Variants in BCO1 observed in about 807,000 individuals in gnomAD.
BCO1 encodes the protein beta-carotene oxygenase 1.
Under a neutral mutation model 56.3 loss-of-function variants are expected in BCO1, and 54 were observed. The ratio of observed to expected loss-of-function variants is 0.96; its 90% CI spans 0.77 to 1.20. The LOEUF (loss-of-function observed/expected upper bound fraction) is 1.20, where lower values mean the gene tolerates loss of function less well. BCO1 is among the 50% of genes most tolerant of loss of function. BCO1 has a pLI of 0.00. For synonymous variants in BCO1, 318 were observed against 266.1 expected (o/e 1.20, Z -1.90); for missense variants, 801 against 690.9 (o/e 1.16, Z -1.79).
intron 10 of BCO1, among the ~76,000 whole-genome samples, chr16:81,288,875 G>A (rs755791885): frequency 1.3e-5 from 2 of 152,194 alleles, no homozygotes; most frequent in Non-Finnish European, 2.9e-5. Flanking sequence ...ACAAGGGAGT[G>A]GTTTTCCACC....
At chr16:81,289,146 C>G (rs1219790354) in intron 10 of BCO1, among the ~76,000 whole-genome samples, 2 of 152,214 alleles carry the variant, frequency 1.3e-5, no homozygotes, top group Non-Finnish European at 2.9e-5. Flanking sequence ...CCAGGCCAAT[C>G]TGACCTCAAC....
At chr16:81,281,088 A>T in intron 8 of BCO1, 126 bp downstream of exon 8, 1 of 723,790 alleles carries the variant, frequency 1.4e-6, no homozygotes, top group East Asian at 2.7e-5. Flanking sequence ...GGGTCTTGGG[A>T]TGCCCTGGTG....
chr16:81,251,841 C>T (rs571423974), intron 2 of BCO1, among the ~76,000 whole-genome samples: 82 of 147,688 alleles, frequency 5.6e-4, no homozygotes, highest in Non-Finnish European at 9.9e-4. Flanking sequence ...TACCCACACA[C>T]ACACACACAC....
intron 2 of BCO1, among the ~76,000 whole-genome samples, chr16:81,247,981 C>T (rs891567549): frequency 9.2e-5 from 14 of 152,310 alleles, no homozygotes; most frequent in South Asian, 4.1e-4. Flanking sequence ...GTCTCAGTCT[C>T]TTCTGTAAAA....
intron 2 of BCO1, among the ~76,000 whole-genome samples, chr16:81,255,049 C>G (rs1261227949): frequency 6.6e-6 from 1 of 152,196 alleles, no homozygotes; most frequent in Non-Finnish European, 1.5e-5. Flanking sequence ...TCTCAAACTG[C>G]TGGGATTACA....
rs905894692 is a variant in BCO1 at position 81,245,514 on chromosome 16, A to G, written c.104A>G (p.Asn35Ser). 1 of 1,613,778 alleles carries G rather than the reference A, an allele frequency of 6.2e-7. No individual in the cohort carries two copies. Among genetic ancestry groups the G allele is most frequent in the Non-Finnish European group, 8.5e-7 (1 of 1,179,700 alleles). Residue 35 changes from asparagine to serine, a missense_variant, in exon 2 of 11, where the codon AAT becomes AGT. Coordinates refer to ENST00000258168, the MANE Select transcript of BCO1 (RefSeq NM_017429.3). The stretch of plus-strand genomic sequence containing the variant: ...TGGCTGCAGGGAACCCTGCTCCGCA[A>G]TGGGCCTGGGATGCACACAGTTGGG... ...PAWLQGTLLR[N>S]GPGMHTVGES...
At position 81,290,571 on chromosome 16, in the gene BCO1, G is replaced by A. The variant is rs746913703; in HGVS notation, c.1638G>A (p.Leu546=). 65 of 1,612,808 alleles carry A rather than the reference G, an allele frequency of 4.0e-5. No individual in the cohort carries two copies. The South Asian group carries it at 6.7e-4, about 17-fold the overall frequency. Residue 546 remains leucine (L), a synonymous_variant, in exon 11 of 11, where the codon CTG becomes CTA. Coordinates refer to ENST00000258168, the MANE Select transcript of BCO1 (RefSeq NM_017429.3). Reference sequence around the variant, plus strand: ...CTTCCGACTGCCACGGGGCTCCTCTGACCTGATGGTGTTGGGGTTTGGGTA... The same window carrying A: ...CTTCCGACTGCCACGGGGCTCCTCTAACCTGATGGTGTTGGGGTTTGGGTA... ...DRASDCHGAP[L]T
At chr16:81,272,365 G>A (rs564409201) in intron 7 of BCO1, among the ~76,000 whole-genome samples, 88 of 148,638 alleles carry the variant, frequency 5.9e-4, no homozygotes, top group Non-Finnish European at 1.0e-3. Flanking sequence ...TGATCCGCCC[G>A]CCTTGGCCTC....
chr16:81,241,750 G>A (rs923773487), intron 1 of BCO1, among the ~76,000 whole-genome samples: 4 of 152,214 alleles, frequency 2.6e-5, no homozygotes. Context: ...CTGACTCTCC[G>A]TCCAGGCCTG....
At chr16:81,271,272 G>A (rs1007065311) in intron 7 of BCO1, among the ~76,000 whole-genome samples, 9 of 151,544 alleles carry the variant, frequency 5.9e-5, no homozygotes, top group South Asian at 2.1e-4. Flanking sequence ...CTGCCACCAC[G>A]CCCAGCTAAT....
At chr16:81,279,820 G>A in intron 7 of BCO1, among the ~76,000 whole-genome samples, 1 of 152,128 alleles carries the variant, frequency 6.6e-6, no homozygotes, top group East Asian at 1.9e-4. Context: ...CTTGAAGGCT[G>A]TTTTGCCACC....
At position 81,264,838 on chromosome 16, in the gene BCO1, C is replaced by A. The variant is rs1331141843; in HGVS notation, c.619+51C>A. The stretch of plus-strand genomic sequence containing the variant: ...AAACACAAACAACCAAGTGTGGCTT[C>A]TTCTGAAGAGTTCTGTTTTTCGTTG... On this transcript the variant is annotated intron_variant, in intron 5 of 10. Transcript: ENST00000258168. 5.0e-6 allele frequency: 8 copies of A among 1,603,650 alleles called. No individual in the cohort carries two copies. The South Asian group carries it at 7.7e-5, about 15-fold the overall frequency.
At chr16:81,257,899 GA>G (rs1906245382) in intron 2 of BCO1, among the ~76,000 whole-genome samples, 2 of 150,872 alleles carry the variant, frequency 1.3e-5, no homozygotes, top group South Asian at 4.2e-4. Context: ...AAAAAAAAGA[GA>G]GAGACTTTGT....
intron 2 of BCO1, among the ~76,000 whole-genome samples, chr16:81,250,960 A>G (rs993313645): frequency 1.1e-4 from 16 of 152,122 alleles, no homozygotes; most frequent in African/African-American, 3.9e-4. Context: ...TTGTGTTTCT[A>G]ACACACTTCC....
intron 1 of BCO1, among the ~76,000 whole-genome samples, chr16:81,242,156 G>A (rs558746823): frequency 1.3e-5 from 2 of 149,232 alleles, no homozygotes; most frequent in East Asian, 2.0e-4. Context: ...CTGGCGCCAC[G>A]ATTATGTAGG....
intron 2 of BCO1, among the ~76,000 whole-genome samples, chr16:81,248,239 T>A (rs1377747120): frequency 6.6e-6 from 1 of 151,588 alleles, no homozygotes; most frequent in Non-Finnish European, 1.5e-5. Context: ...CCGTCTCTAC[T>A]AAAAATACAA....
rs1395125401 is a variant in BCO1, at chr16:81,264,640, G to A, written c.472G>A (p.Val158Ile). 6.2e-7 allele frequency: 1 copy of A among 1,614,044 alleles called. No homozygotes were observed. The highest frequency in any genetic ancestry group is 1.3e-5 in the African/African-American group (1 of 75,038). The change falls in exon 5 of 11, where the codon GTT (valine) becomes ATT (isoleucine). Residue 158 changes from valine to isoleucine, a missense_variant and splice_region_variant. Transcript: ENST00000258168. ...AAACAGGAGGTGTCATATCTTGCAG[G>A]TTGATTATCGTAAATACGTGGCGGT... The part of the protein sequence containing the change: ...NPQTLETLEK[V>I]DYRKYVAVNL...
intron 10 of BCO1, 50 bp from the exon 11 acceptor site, chr16:81,290,298 C>T: frequency 6.8e-7 from 1 of 1,465,374 alleles, no homozygotes; most frequent in Non-Finnish European, 9.6e-7. Flanking sequence ...TTCATCCCTC[C>T]GACTGAAGCC....
chr16:81,239,021 T>TA, intron 1 of BCO1, 49 bp downstream of exon 1: 1 of 214,374 alleles, frequency 4.7e-6, no homozygotes, highest in Non-Finnish European at 6.4e-6. Flanking sequence ...TATTTTATTA[T>TA]TTTTTTTTTT....
Sources: allele counts gnomAD v4.1 joint callset (sites outside exome capture counted in the v4.1 genomes callset), GRCh38; gene constraint gnomAD v4.1.1; transcripts MANE v1.5; gene names NCBI Gene and HGNC (gene_info 2026-07-23, HGNC 2026-07-21).